The following CDC42BPA variants were observed in gnomAD, a reference collection of about 807,000 sequenced individuals.
The protein encoded by CDC42BPA is CDC42 binding protein kinase alpha.
A neutral mutation model predicts 223.5 loss-of-function variants in CDC42BPA; 80 were observed. The observed-to-expected ratio is 0.36, with a 90% confidence interval of 0.30 to 0.43. CDC42BPA has a LOEUF of 0.43. Among genes scored for constraint, CDC42BPA ranks in the 20% least tolerant of loss-of-function variants. The probability of loss-of-function intolerance (pLI) is 1.00; values close to 1 mark genes in which losing one functional copy is unlikely to be tolerated. For missense variants in CDC42BPA, 1,743 were observed against 2,099.9 expected, an observed-to-expected ratio of 0.83 and a Z score of 3.32; for synonymous variants, 694 against 718.6, an observed-to-expected ratio of 0.97 and a Z score of 0.55.
At chr1:227,253,228 G>A (rs151110487) in intron 2 of CDC42BPA, among the ~76,000 whole-genome samples, 2 of 133,648 alleles carry the variant, frequency 1.5e-5, no homozygotes, top group Admixed American at 7.7e-5. Flanking sequence ...AGAGAGAGGA[G>A]GGAGAGAGAG....
At chr1:227,165,261 A>G (rs1157391198) in intron 5 of CDC42BPA, among the ~76,000 whole-genome samples, 4 of 152,232 alleles carry the variant, frequency 2.6e-5, no homozygotes, top group Non-Finnish European at 5.9e-5. Flanking sequence ...ACAATGGAAG[A>G]TGATGGGTGT....
intron 2 of CDC42BPA, among the ~76,000 whole-genome samples, chr1:227,219,985 G>C (rs1675544665): frequency 6.6e-6 from 1 of 151,896 alleles, no homozygotes; most frequent in Non-Finnish European, 1.5e-5. Context: ...AATTTAAAAA[G>C]ACACCTCACA....
At chr1:227,049,608 A>T (rs147499036) in intron 22 of CDC42BPA, among the ~76,000 whole-genome samples, 2 of 152,294 alleles carry the variant, frequency 1.3e-5, no homozygotes, top group African/African-American at 4.8e-5. Context: ...GGAAGAAGGT[A>T]TGTGGGATGG....
At chr1:227,074,852 T>C (rs1023999547) in intron 17 of CDC42BPA, among the ~76,000 whole-genome samples, 1 of 152,190 alleles carries the variant, frequency 6.6e-6, no homozygotes, top group African/African-American at 2.4e-5. Flanking sequence ...TTCTGTTTTC[T>C]GAAATGATCA....
At chr1:227,115,984 A>C (rs1687723411) in intron 12 of CDC42BPA, among the ~76,000 whole-genome samples, 1 of 152,142 alleles carries the variant, frequency 6.6e-6, no homozygotes, top group Admixed American at 6.6e-5. Flanking sequence ...GTCTGGAGCT[A>C]AACTCCTTGT....
At chr1:227,306,862 T>A (rs774862718) in intron 1 of CDC42BPA, among the ~76,000 whole-genome samples, 4 of 152,254 alleles carry the variant, frequency 2.6e-5, no homozygotes, top group Admixed American at 2.0e-4. Context: ...TCTAAGTAGA[T>A]GCTTGAGTGC....
At chr1:227,003,460 C>T (rs1031729384) in intron 35 of CDC42BPA, among the ~76,000 whole-genome samples, 1 of 152,210 alleles carries the variant, frequency 6.6e-6, no homozygotes, top group Non-Finnish European at 1.5e-5. Flanking sequence ...GAACATTCTT[C>T]CCCAAGTGAA....
intron 17 of CDC42BPA, 45 bp downstream of exon 17, chr1:227,080,848 C>T: frequency 6.2e-7 from 1 of 1,608,878 alleles, no homozygotes; most frequent in South Asian, 1.1e-5. Flanking sequence ...AACTTGGCCA[C>T]ATACTCACAA....
At chr1:227,077,794 T>A (rs1234999974) in intron 17 of CDC42BPA, among the ~76,000 whole-genome samples, 1 of 152,198 alleles carries the variant, frequency 6.6e-6, no homozygotes, top group African/African-American at 2.4e-5. Context: ...CCTACTTCAA[T>A]GATGCCATCA....
At chr1:227,039,986 G>C in intron 24 of CDC42BPA, 145 bp downstream of exon 24, 1 of 643,508 alleles carries the variant, frequency 1.6e-6, no homozygotes, top group Admixed American at 2.9e-5. Flanking sequence ...ACATTCAACA[G>C]ACAACACAGA....
intron 5 of CDC42BPA, among the ~76,000 whole-genome samples, chr1:227,177,661 G>A (rs956529416): frequency 2.0e-5 from 3 of 152,088 alleles, no homozygotes; most frequent in African/African-American, 7.2e-5. Context: ...AATTCTAAAA[G>A]AGCTGTAACA....
intron 21 of CDC42BPA, among the ~76,000 whole-genome samples, chr1:227,062,254 G>A (rs753836485): frequency 1.4e-4 from 22 of 151,958 alleles, no homozygotes; most frequent in Admixed American, 6.6e-4. Context: ...CCCTCCCCCC[G>A]CAAGTTCGCT....
intron 23 of CDC42BPA, among the ~76,000 whole-genome samples, chr1:227,040,740 T>C (rs1047742165): frequency 3.3e-5 from 5 of 152,168 alleles, no homozygotes; most frequent in Non-Finnish European, 7.4e-5. Context: ...AGTTTCCTCC[T>C]ATGGAAAGAG....
chr1:227,280,123 CTT>C, intron 1 of CDC42BPA, among the ~76,000 whole-genome samples: 1 of 152,168 alleles, frequency 6.6e-6, no homozygotes, highest in Non-Finnish European at 1.5e-5. Context: ...TAAAAAAAGA[CTT>C]ATTTTCTATT....
At chr1:227,043,225 C>T (rs1671745573) in intron 23 of CDC42BPA, among the ~76,000 whole-genome samples, 2 of 152,018 alleles carry the variant, frequency 1.3e-5, no homozygotes, top group African/African-American at 4.8e-5. Context: ...CCATCCCAGC[C>T]AACATGGTGA....
At chr1:227,199,529 T>C (rs1169865966) in intron 4 of CDC42BPA, 28 bp downstream of exon 4, 4 of 1,186,556 alleles carry the variant, frequency 3.4e-6, no homozygotes, top group Admixed American at 3.5e-5. Context: ...AAAAAAACAG[T>C]ATATAGAAAT....
At chr1:227,201,058 T>G (rs1671665968) in intron 3 of CDC42BPA, among the ~76,000 whole-genome samples, 1 of 152,246 alleles carries the variant, frequency 6.6e-6, no homozygotes, top group Non-Finnish European at 1.5e-5. Flanking sequence ...TTTTTAAAGT[T>G]GTAGTTTATT....
intron 1 of CDC42BPA, among the ~76,000 whole-genome samples, chr1:227,270,552 G>A (rs776589465): frequency 6.6e-6 from 1 of 152,136 alleles, no homozygotes; most frequent in Non-Finnish European, 1.5e-5. Context: ...CCTAGGTCAT[G>A]AGTTGTTTGA....
chr1:227,076,118 G>A (rs1262253532), intron 17 of CDC42BPA, among the ~76,000 whole-genome samples: 1 of 151,936 alleles, frequency 6.6e-6, no homozygotes, highest in Non-Finnish European at 1.5e-5. Context: ...TTACTGGTTT[G>A]GAGGGCAACT....
Sources: gnomAD v4.1 joint callset for allele counts (sites outside exome capture counted in the v4.1 genomes callset) on GRCh38, gnomAD v4.1.1 for gene constraint, MANE v1.5 for transcripts, NCBI Gene and HGNC (gene_info 2026-07-23, HGNC 2026-07-21) for gene names.